Variants in VWF observed in about 807,000 individuals in gnomAD.
VWF encodes the protein Factor VIII related antigen.
VWF carries 176 observed loss-of-function variants against 308.6 expected under a neutral mutation model. That is an observed-to-expected ratio of 0.57 (90% CI 0.50 to 0.65). VWF has a LOEUF of 0.65. Among genes scored for constraint, VWF ranks in the 30% least tolerant of loss-of-function variants. The pLI, the probability that VWF is intolerant of heterozygous loss-of-function variation, is 0.00. For missense variants in VWF, 3,146 were observed against 3,648.2 expected (o/e 0.86, Z 3.55); for synonymous variants, 1,385 against 1,443.4 (o/e 0.96, Z 0.92).
At position 6,016,849 on chromosome 12, in the gene VWF, A is replaced by G; in HGVS notation, c.5075T>C (p.Val1692Ala). Reference protein sequence around the residue: ...PAPDCSQPLDVILLLDGSSSF... With the variant: ...PAPDCSQPLDAILLLDGSSSF... ...GGAGGAGCCATCCAGGAGAAGGATC[A>G]CGTCCAGGGGCTGGCTGCAGTCTGC... The change falls in exon 29 of 52, where the codon GTG becomes GCG. Residue 1692 changes from valine to alanine, a missense_variant. Physicochemically the swap from Val to Ala is moderately conservative, Grantham distance 64. Coordinates refer to ENST00000261405, the MANE Select transcript of VWF (RefSeq NM_000552.5). The G allele has an allele frequency of 6.2e-7, 1 of 1,614,120 alleles. No individual in the cohort carries two copies. The highest frequency in any genetic ancestry group is 8.5e-7 in the Non-Finnish European group (1 of 1,180,010).
chr12:6,007,751 A>G (rs2136399693), intron 34 of VWF, among the ~76,000 whole-genome samples: 1 of 152,272 alleles, frequency 6.6e-6, no homozygotes, highest in Non-Finnish European at 1.5e-5. Context: ...AAATATCAAT[A>G]AAACTTAGAA....
In VWF at chr12:5,993,994, G is replaced by T; in HGVS notation, c.6466C>A (p.Pro2156Thr). The T allele has an allele frequency of 6.2e-7, 1 of 1,614,160 alleles. No homozygotes were observed. The highest frequency in any genetic ancestry group is 8.5e-7 in the Non-Finnish European group (1 of 1,180,046). Residue 2156 changes from proline to threonine, a missense_variant, in exon 37 of 52, where the codon CCA becomes ACA. Pro to Thr is a conservative substitution (Grantham distance 38, BLOSUM62 -1). Transcript: ENST00000261405. ...TGGCAGATGGCATAGAATGTGGCTGGAGCCAGGACCTTGTGGCATTCAGCA... is the reference window on the plus strand; with the variant it reads ...TGGCAGATGGCATAGAATGTGGCTGTAGCCAGGACCTTGTGGCATTCAGCA... Reference protein sequence around the residue: ...LFAECHKVLAPATFYAICQQD... With the variant: ...LFAECHKVLATATFYAICQQD...
intron 7 of VWF, 62 bp from the exon 8 acceptor site, chr12:6,073,803 GCCAT>G: frequency 1.9e-6 from 3 of 1,609,996 alleles, no homozygotes; most frequent in Non-Finnish European, 2.5e-6. Context: ...CATCTCACCA[GCCAT>G]GCCACAGCCT....
At chr12:5,952,078 C>T (rs1943197830) in intron 49 of VWF, among the ~76,000 whole-genome samples, 195 bp from the exon 50 acceptor site, 2 of 152,210 alleles carry the variant, frequency 1.3e-5, no homozygotes, top group African/African-American at 4.8e-5. Context: ...TTTGATGATT[C>T]TGAATTCTCT....
intron 18 of VWF, among the ~76,000 whole-genome samples, chr12:6,039,573 T>C (rs1037120425): frequency 7.2e-5 from 11 of 152,244 alleles, no homozygotes; most frequent in African/African-American, 2.2e-4. Flanking sequence ...TGAAGACTTA[T>C]GAGGTTCCGC....
At chr12:5,983,899 G>T (rs1410235141) in intron 40 of VWF, among the ~76,000 whole-genome samples, 1 of 151,570 alleles carries the variant, frequency 6.6e-6, no homozygotes, top group Non-Finnish European at 1.5e-5. Flanking sequence ...GATAGAGACA[G>T]GATAGATGAT....
rs115850707 is a variant in VWF, at chr12:6,029,569, C to T, written c.2821-81G>A. 6.6e-4 allele frequency: 1,036 copies of T among 1,574,588 alleles called. 6 individuals carry two copies. In the African/African-American group the frequency reaches 0.012, roughly 19 times the overall value. On this transcript the variant is annotated intron_variant, in intron 21 of 51. Coordinates refer to ENST00000261405, the MANE Select transcript of VWF (RefSeq NM_000552.5). ...GATCCTCCCTCCACTCTACACCTGC[C>T]CATCTGTCTTCAGTGCCCACGAGTG...
In VWF at chr12:6,024,285, A is replaced by C. The variant is rs1251554729; in HGVS notation, c.3223-498T>G. ...AGGTATGCAGGACAATAGGGCCTAG[A>C]CTCTGATTCCAAATCCAGTTCAACC... On this transcript the variant is annotated intron_variant, in intron 24 of 51. Coordinates refer to ENST00000261405, the MANE Select transcript of VWF (RefSeq NM_000552.5). The surrounding 1 kb of genome is among the most constrained non-coding windows in gnomAD (Gnocchi z 4.0). Among the ~76,000 whole-genome samples the C allele has an allele frequency of 2.6e-5, 4 of 152,206 alleles. No individual in the cohort carries two copies. The highest frequency in any genetic ancestry group is 2.6e-4 in the Admixed American group (4 of 15,284).
intron 18 of VWF, among the ~76,000 whole-genome samples, chr12:6,043,731 C>A (rs1944417011): frequency 6.6e-6 from 1 of 152,156 alleles, no homozygotes; most frequent in Admixed American, 6.5e-5. Context: ...AGGCACAGCA[C>A]CGGAGTCATG....
chr12:5,980,800 G>T (rs1943596595), intron 42 of VWF, among the ~76,000 whole-genome samples: 1 of 152,206 alleles, frequency 6.6e-6, no homozygotes, highest in Admixed American at 6.5e-5. Flanking sequence ...GATGACTGCA[G>T]CTTGTCTGTC....
intron 38 of VWF, among the ~76,000 whole-genome samples, chr12:5,988,437 GGA>G (rs1485629969): frequency 1.3e-5 from 2 of 152,182 alleles, no homozygotes; most frequent in African/African-American, 4.8e-5. Context: ...GGATGCGGAA[GGA>G]GAGAGTCATG....
At chr12:6,090,209 A>G (rs1565385527) in intron 6 of VWF, among the ~76,000 whole-genome samples, 3 of 152,044 alleles carry the variant, frequency 2.0e-5, no homozygotes, top group Admixed American at 6.6e-5. Flanking sequence ...CACCCACCTC[A>G]GCCTCCCAAA....
chr12:6,113,082 C>T lies in VWF; in HGVS notation c.221-2114G>A, dbSNP rs575893843. 3.1e-3 allele frequency among the ~76,000 whole-genome samples: 474 copies of T among 152,202 alleles called. 2 individuals carry two copies. Among genetic ancestry groups the T allele is most frequent in the Non-Finnish European group, 5.4e-3 (365 of 68,024 alleles). Reference sequence around the variant, plus strand: ...CTCACAGTCCATAAACCACATTCTGCGGAGCTCCAGATCAACACAACTGGG... The same window carrying T: ...CTCACAGTCCATAAACCACATTCTGTGGAGCTCCAGATCAACACAACTGGG... On this transcript the variant is annotated intron_variant, in intron 3 of 51. Transcript: ENST00000261405.
At chr12:6,085,920 C>T (rs1944966317) in intron 6 of VWF, among the ~76,000 whole-genome samples, 1 of 152,090 alleles carries the variant, frequency 6.6e-6, no homozygotes, top group South Asian at 2.1e-4. Context: ...TTTTTAAAGG[C>T]CAAGTTCAAG....
chr12:6,096,370 A>ACAG (rs1210667746), intron 5 of VWF, among the ~76,000 whole-genome samples: 4 of 152,054 alleles, frequency 2.6e-5, no homozygotes, highest in Non-Finnish European at 5.9e-5. Flanking sequence ...TCCTTTCTGA[A>ACAG]CAGCTCTACT....
chr12:6,052,164 C>G (rs915606783), intron 16 of VWF, among the ~76,000 whole-genome samples: 3 of 152,212 alleles, frequency 2.0e-5, no homozygotes, highest in Non-Finnish European at 4.4e-5. Context: ...GGTCCATGTT[C>G]TTCCTGCTCA....
intron 10 of VWF, among the ~76,000 whole-genome samples, chr12:6,066,481 T>C (rs772041510): frequency 2.0e-5 from 3 of 152,370 alleles, no homozygotes; most frequent in Non-Finnish European, 2.9e-5. Flanking sequence ...CTACGGTGCA[T>C]GTGTGAGTTC....
intron 18 of VWF, among the ~76,000 whole-genome samples, chr12:6,039,713 A>G (rs2136435490): frequency 6.6e-6 from 1 of 152,302 alleles, no homozygotes; most frequent in East Asian, 1.9e-4. Flanking sequence ...TGGATCTTTT[A>G]AAATGTGCAA....
intron 32 of VWF, among the ~76,000 whole-genome samples, 177 bp downstream of exon 32, chr12:6,013,304 G>A (rs1944018501): frequency 6.6e-6 from 1 of 152,184 alleles, no homozygotes; most frequent in Non-Finnish European, 1.5e-5. Context: ...GGGGCTTGTG[G>A]TATACACCTC....
Sources: gnomAD v4.1 joint callset for allele counts (sites outside exome capture counted in the v4.1 genomes callset) on GRCh38, gnomAD v4.1.1 for gene constraint, Gnocchi (gnomAD v3.1) non-coding constraint, MANE v1.5 for transcripts, NCBI Gene and HGNC (gene_info 2026-07-23, HGNC 2026-07-21) for gene names.